MCF2L2: variants seen among roughly 807,000 people sequenced by gnomAD.
The protein encoded by MCF2L2 is probable guanine nucleotide exchange factor MCF2L2.
MCF2L2 carries 102 observed loss-of-function variants against 150.2 expected under a neutral mutation model. The observed-to-expected ratio is 0.68, with a 90% CI of 0.58 to 0.80. The LOEUF is 0.80. Among genes scored for constraint, MCF2L2 ranks in the 30% least tolerant of loss-of-function variants. The probability of loss-of-function intolerance (pLI) is 0.00; values close to 1 mark genes in which losing one functional copy is unlikely to be tolerated. For missense variants in MCF2L2, 1,256 were observed against 1,372.8 expected (o/e 0.91, Z 1.34); for synonymous variants, 465 against 491.3 (o/e 0.95, Z 0.71).
intron 15 of MCF2L2, among the ~76,000 whole-genome samples, chr3:183,240,456 T>G (rs1723970133): frequency 1.3e-5 from 2 of 152,174 alleles, no homozygotes; most frequent in South Asian, 4.1e-4. Context: ...TGACCTCAGG[T>G]GATCTGCCAC....
At chr3:183,402,219 A>G (rs35168399) in intron 1 of MCF2L2, among the ~76,000 whole-genome samples, 53,727 of 150,678 alleles carry the variant, frequency 0.36, 9,672 homozygotes, top group Middle Eastern at 0.41. Context: ...CGAGGCAGGC[A>G]GATCACGAGG....
chr3:183,364,010 A>G (rs1712369950), intron 3 of MCF2L2, among the ~76,000 whole-genome samples: 1 of 152,204 alleles, frequency 6.6e-6, no homozygotes, highest in Non-Finnish European at 1.5e-5. Flanking sequence ...TGGTAAAGGG[A>G]AAATGTAAAG....
intron 10 of MCF2L2, among the ~76,000 whole-genome samples, chr3:183,307,406 C>T (rs890216938): frequency 2.6e-5 from 4 of 152,174 alleles, no homozygotes; most frequent in African/African-American, 9.7e-5. Context: ...GTTTGATTTA[C>T]GCAAAGGCAG....
At chr3:183,344,346 C>A (rs1056198775) in intron 3 of MCF2L2, among the ~76,000 whole-genome samples, 3 of 151,872 alleles carry the variant, frequency 2.0e-5, no homozygotes, top group African/African-American at 7.3e-5. Context: ...CAAAAGAAGG[C>A]AGGAAAGGAG....
At chr3:183,241,285 T>G (rs1275223299) in intron 15 of MCF2L2, among the ~76,000 whole-genome samples, 3 of 152,142 alleles carry the variant, frequency 2.0e-5, no homozygotes, top group Non-Finnish European at 4.4e-5. Context: ...GGGAACAGTG[T>G]GGAGGAGGAA....
intron 15 of MCF2L2, among the ~76,000 whole-genome samples, chr3:183,264,730 G>A (rs944075198): frequency 1.3e-5 from 2 of 152,140 alleles, no homozygotes; most frequent in African/African-American, 4.8e-5. Flanking sequence ...TGACAGCAGG[G>A]GTAAGGTTTA....
At chr3:183,226,945 C>T (rs1056571517) in intron 18 of MCF2L2, 1 of 152,132 alleles carries the variant, frequency 6.6e-6, no homozygotes, top group Non-Finnish European at 1.5e-5. Flanking sequence ...CATGGAAAGC[C>T]ATATGGGGCC....
At chr3:183,276,729 G>T in intron 15 of MCF2L2, 143 bp downstream of exon 15, 1 of 504,038 alleles carries the variant, frequency 2.0e-6, no homozygotes, top group Non-Finnish European at 3.5e-6. Context: ...TTGTTCTCAG[G>T]TACATAAATG....
intron 1 of MCF2L2, 109 bp downstream of exon 1, chr3:183,427,793 G>A (rs1716243517): frequency 1.1e-6 from 1 of 942,072 alleles, no homozygotes; most frequent in Non-Finnish European, 1.7e-6. Context: ...CAACCCCCCA[G>A]GAAGCGCGCT....
chr3:183,209,664 T>G (rs1181405862), intron 22 of MCF2L2, among the ~76,000 whole-genome samples: 2 of 152,056 alleles, frequency 1.3e-5, no homozygotes, highest in Non-Finnish European at 2.9e-5. Flanking sequence ...AATTTTTGTA[T>G]TTTTAGTAGA....
At chr3:183,279,300 A>T (rs1727345879) in intron 14 of MCF2L2, among the ~76,000 whole-genome samples, 1 of 152,138 alleles carries the variant, frequency 6.6e-6, no homozygotes, top group South Asian at 2.1e-4. Flanking sequence ...ACTTTTAGGA[A>T]ATTTTAAAAT....
chr3:183,246,903 G>C (rs1191494014), intron 15 of MCF2L2, among the ~76,000 whole-genome samples: 1 of 152,102 alleles, frequency 6.6e-6, no homozygotes, highest in Non-Finnish European at 1.5e-5. Flanking sequence ...ATGAAGTAAG[G>C]TTGTTTTTGT....
intron 3 of MCF2L2, among the ~76,000 whole-genome samples, chr3:183,364,313 G>A (rs934470602): frequency 2.0e-5 from 3 of 151,940 alleles, no homozygotes; most frequent in Admixed American, 6.6e-5. Flanking sequence ...TCAGGAGATC[G>A]AGACCATCCT....
intron 3 of MCF2L2, among the ~76,000 whole-genome samples, chr3:183,366,744 G>C (rs9290754): frequency 0.27 from 41,687 of 151,958 alleles, 8,048 homozygotes; most frequent in African/African-American, 0.55. Context: ...GACTTTCCCA[G>C]AGACTCAGTG....
intron 2 of MCF2L2, among the ~76,000 whole-genome samples, chr3:183,380,775 G>T (rs1200013708): frequency 1.3e-5 from 2 of 152,080 alleles, no homozygotes; most frequent in South Asian, 2.1e-4. Context: ...TAAAGCTGGG[G>T]GTTTGGTACT....
intron 1 of MCF2L2, among the ~76,000 whole-genome samples, chr3:183,402,550 C>T (rs1034510827): frequency 1.6e-4 from 24 of 151,406 alleles, no homozygotes; most frequent in African/African-American, 5.1e-4. Flanking sequence ...ACCTGTAATC[C>T]TAGCACATTG....
intron 2 of MCF2L2, among the ~76,000 whole-genome samples, chr3:183,383,224 AT>A (rs199509628): frequency 2.0e-5 from 3 of 146,448 alleles, no homozygotes; most frequent in African/African-American, 5.1e-5. Flanking sequence ...TTATTTATTT[AT>A]TTTATTTATT....
intron 18 of MCF2L2, 96 bp downstream of exon 18, chr3:183,228,201 T>A: frequency 1.1e-6 from 1 of 882,136 alleles, no homozygotes. Context: ...GCAGATATGT[T>A]TTTAGACCAT....
intron 15 of MCF2L2, among the ~76,000 whole-genome samples, chr3:183,243,429 C>T (rs1036274569): frequency 3.9e-5 from 6 of 152,068 alleles, no homozygotes; most frequent in South Asian, 2.1e-4. Context: ...GCAGGTCAGC[C>T]GCTCCCATGA....
Sources: allele counts gnomAD v4.1 joint callset (sites outside exome capture counted in the v4.1 genomes callset), GRCh38; gene constraint gnomAD v4.1.1; transcripts MANE v1.5; gene names NCBI Gene and HGNC (gene_info 2026-07-23, HGNC 2026-07-21).